RBFOX1: variants seen among roughly 807,000 people sequenced by gnomAD.
The protein encoded by RBFOX1 is RNA binding fox-1 homolog 1, also known as RNA binding protein fox-1 homolog 1.
A neutral mutation model predicts 57.7 loss-of-function variants in RBFOX1; 8 were observed. The observed-to-expected ratio is 0.14, with a 90% CI of 0.08 to 0.25. The LOEUF is 0.25. Among genes scored for constraint, RBFOX1 ranks in the 10% least tolerant of loss-of-function variants. The pLI, the probability that RBFOX1 is intolerant of heterozygous loss-of-function variation, is 1.00. For synonymous variants in RBFOX1, 326 were observed against 222.4 expected (o/e 1.47, Z -4.15); for missense variants, 611 against 548.5 (o/e 1.11, Z -1.14).
chr16:6,879,433 T>C (rs2062472867), intron 3 of RBFOX1, among the ~76,000 whole-genome samples: 1 of 152,206 alleles, frequency 6.6e-6, no homozygotes, highest in Non-Finnish European at 1.5e-5. Context: ...TTCCCTTTAC[T>C]TTAAAAACTG....
chr16:7,051,804 C>A lies in RBFOX1; in HGVS notation c.-15-253C>A, dbSNP rs148945085. Among the ~76,000 whole-genome samples, 3 of 152,272 alleles carry A rather than the reference C, an allele frequency of 2.0e-5. No homozygotes were observed. In the East Asian group the frequency reaches 5.8e-4, roughly 30 times the overall value. Reference sequence around the variant, plus strand: ...CCCTCATCCCAGGCAGATGCTGCCTCCCACACATACTCCTGCACGTCTCTC... The same window carrying A: ...CCCTCATCCCAGGCAGATGCTGCCTACCACACATACTCCTGCACGTCTCTC... On this transcript the variant is annotated intron_variant, in intron 3 of 15. Coordinates refer to ENST00000550418, the MANE Select transcript of RBFOX1 (RefSeq NM_018723.4).
At chr16:6,940,879 G>T (rs5815354) in intron 3 of RBFOX1, among the ~76,000 whole-genome samples, 4,755 of 138,464 alleles carry the variant, frequency 0.034, 282 homozygotes, top group African/African-American at 0.084. Context: ...GTGTGTGTGT[G>T]TGTGTGTGTG....
At chr16:7,488,247 G>C (rs538318846) in intron 4 of RBFOX1, among the ~76,000 whole-genome samples, 2 of 152,278 alleles carry the variant, frequency 1.3e-5, no homozygotes, top group African/African-American at 4.8e-5. Flanking sequence ...GCTTAGCCTG[G>C]TGTTGTTCTG....
At chr16:5,375,085 CAAAAAAAA>C (rs576765968) in intron 1 of RBFOX1, among the ~76,000 whole-genome samples, 4 of 37,078 alleles carry the variant, frequency 1.1e-4, no homozygotes, top group Non-Finnish European at 1.4e-4. Flanking sequence ...TTTAAATGGC[CAAAAAAAA>C]AAAAAAAAAA....
intron 3 of RBFOX1, among the ~76,000 whole-genome samples, chr16:6,881,869 T>A (rs1009439946): frequency 2.6e-5 from 4 of 152,118 alleles, no homozygotes; most frequent in Non-Finnish European, 1.5e-5. Context: ...TCTTAAGAAC[T>A]GTAGTAAAAG....
At chr16:6,227,523 G>A (rs1362725158) in intron 1 of RBFOX1, among the ~76,000 whole-genome samples, 2 of 152,078 alleles carry the variant, frequency 1.3e-5, no homozygotes, top group Non-Finnish European at 2.9e-5. Context: ...TACAGAAGTG[G>A]AAGTCTGCAG....
chr16:7,134,938 T>C (rs80231836), intron 4 of RBFOX1, among the ~76,000 whole-genome samples: 287 of 152,040 alleles, frequency 1.9e-3, no homozygotes, highest in Non-Finnish European at 2.8e-3. Flanking sequence ...TTTTTTTTTT[T>C]CAATTTTGAT....
intron 3 of RBFOX1, among the ~76,000 whole-genome samples, chr16:5,643,132 G>C (rs1198766284): frequency 1.3e-5 from 2 of 152,152 alleles, no homozygotes; most frequent in Non-Finnish European, 2.9e-5. Context: ...CCTCTAGGCA[G>C]ATGCTAGCAT....
chr16:6,739,426 T>C (rs1214942102), intron 3 of RBFOX1, among the ~76,000 whole-genome samples: 6 of 152,084 alleles, frequency 3.9e-5, no homozygotes, highest in African/African-American at 1.4e-4. Flanking sequence ...CAATAGATAA[T>C]TTGAATGACC....
At chr16:7,475,293 T>A (rs1224631122) in intron 4 of RBFOX1, among the ~76,000 whole-genome samples, 1 of 151,708 alleles carries the variant, frequency 6.6e-6, no homozygotes, top group Non-Finnish European at 1.5e-5. Flanking sequence ...ATTAATAGAT[T>A]TGAAGGATGG....
chr16:5,608,793 C>T (rs1218490154), intron 3 of RBFOX1, among the ~76,000 whole-genome samples: 5 of 152,136 alleles, frequency 3.3e-5, no homozygotes, highest in Non-Finnish European at 4.4e-5. Context: ...CTGATGTAAT[C>T]CAGAATCTAA....
At chr16:7,129,949 C>A (rs1317530675) in intron 4 of RBFOX1, among the ~76,000 whole-genome samples, 1 of 151,942 alleles carries the variant, frequency 6.6e-6, no homozygotes, top group African/African-American at 2.4e-5. Flanking sequence ...TGCTTCAAAT[C>A]TCATTTGCCA....
rs547825115 is a variant in RBFOX1 at position 7,183,889 on chromosome 16, A to T, written c.27+131791A>T. The stretch of plus-strand genomic sequence containing the variant: ...CCTCATGGAACCACCATTCTAATTG[A>T]GGGAGTAGTTTAAAGGGGATAGATG... On this transcript the variant is annotated intron_variant, in intron 4 of 15. Transcript: ENST00000550418. Among the ~76,000 whole-genome samples, 104 of 152,312 alleles carry T rather than the reference A, an allele frequency of 6.8e-4. 1 individual carries two copies. Among genetic ancestry groups the T allele is most frequent in the African/African-American group, 2.3e-3 (96 of 41,566 alleles).
chr16:7,014,651 T>C (rs984342942), intron 3 of RBFOX1, among the ~76,000 whole-genome samples: 5 of 152,180 alleles, frequency 3.3e-5, no homozygotes, highest in African/African-American at 9.6e-5. Flanking sequence ...TGGATTTGAT[T>C]CTCAGTCTTT....
At chr16:6,989,159 G>C (rs2090969051) in intron 3 of RBFOX1, among the ~76,000 whole-genome samples, 1 of 152,168 alleles carries the variant, frequency 6.6e-6, no homozygotes, top group African/African-American at 2.4e-5. Context: ...GCCTTCCATA[G>C]TGCTGGGATT....
rs955253179 is a variant in RBFOX1, at chr16:6,019,454, C to G, written c.-665C>G. 2 of 991,898 alleles carry G rather than the reference C, an allele frequency of 2.0e-6. No homozygotes were observed. The highest frequency in any genetic ancestry group is 1.2e-6 in the Non-Finnish European group (1 of 834,550). 61.4% of individuals were successfully genotyped at this position (991,898 alleles called of 1,614,324 possible). On this transcript the variant is annotated 5_prime_UTR_variant, in exon 1 of 16. Coordinates refer to ENST00000550418, the MANE Select transcript of RBFOX1 (RefSeq NM_018723.4). The surrounding 1 kb of genome is among the most constrained non-coding windows in gnomAD (Gnocchi z 4.2). ...AGGGGCCGCGTCGGGTGGGGAAACC[C>G]GAACTCGCGGAGGGGAATCCCTCCC...
chr16:5,433,215 T>G (rs953094135), intron 1 of RBFOX1, among the ~76,000 whole-genome samples: 4 of 152,174 alleles, frequency 2.6e-5, no homozygotes, highest in Non-Finnish European at 5.9e-5. Flanking sequence ...TCCTTGATTC[T>G]CTTGGAAGCT....
intron 13 of RBFOX1, among the ~76,000 whole-genome samples, chr16:7,674,430 T>G (rs560816502): frequency 1.3e-5 from 2 of 152,158 alleles, no homozygotes; most frequent in Non-Finnish European, 2.9e-5. Context: ...AGCACAGATA[T>G]AGAACATTCA....
At chr16:7,172,480 C>T (rs1437268380) in intron 4 of RBFOX1, among the ~76,000 whole-genome samples, 1 of 152,150 alleles carries the variant, frequency 6.6e-6, no homozygotes, top group Non-Finnish European at 1.5e-5. Flanking sequence ...CCTTTGATCC[C>T]CAGCCTTTTA....
Sources: allele counts gnomAD v4.1 joint callset (sites outside exome capture counted in the v4.1 genomes callset), GRCh38; gene constraint gnomAD v4.1.1; non-coding constraint Gnocchi (gnomAD v3.1); transcripts MANE v1.5; gene names NCBI Gene and HGNC (gene_info 2026-07-23, HGNC 2026-07-21).